FARS2: variants seen among roughly 807,000 people sequenced by gnomAD.
The protein encoded by FARS2 is phenylalanyl-tRNA synthetase 2, mitochondrial, also known as phenylalanine--tRNA ligase, mitochondrial.
In FARS2, 40 loss-of-function variants were observed where a neutral mutation model predicts 46.4. That is an observed-to-expected ratio of 0.86 (90% CI 0.67 to 1.12). The LOEUF is 1.12. Ranked by LOEUF, FARS2 falls within the 50% of genes most tolerant of loss-of-function variation. The probability of loss-of-function intolerance (pLI) is 0.00; values close to 1 mark genes in which losing one functional copy is unlikely to be tolerated. For missense variants in FARS2, 513 were observed against 567.9 expected (o/e 0.90, Z 0.98); for synonymous variants, 234 against 214.9 (o/e 1.09, Z -0.78).
chr6:5,524,706 C>T (rs937721050), intron 4 of FARS2, among the ~76,000 whole-genome samples: 59 of 152,240 alleles, frequency 3.9e-4, no homozygotes, highest in African/African-American at 1.3e-3. Flanking sequence ...TTACACATGG[C>T]GAAGTTGAAT....
intron 1 of FARS2, among the ~76,000 whole-genome samples, chr6:5,344,294 C>T (rs1289218964): frequency 6.6e-6 from 1 of 152,162 alleles, no homozygotes; most frequent in African/African-American, 2.4e-5. Flanking sequence ...GACGGAGGCA[C>T]ACAGGCCCAG....
intron 6 of FARS2, among the ~76,000 whole-genome samples, chr6:5,692,899 C>T (rs1757848378): frequency 6.6e-6 from 1 of 152,308 alleles, no homozygotes. Flanking sequence ...CCCTCCCAAG[C>T]TTCAGAGGTA....
chr6:5,255,197 G>A, the FARS2 span, among the ~76,000 whole-genome samples: 1 of 152,200 alleles, frequency 6.6e-6, no homozygotes, highest in Non-Finnish European at 1.5e-5. Flanking sequence ...GGGGGTCTCT[G>A]AGACCTTTCA....
At chr6:5,421,911 C>T (rs1165085365) in intron 3 of FARS2, among the ~76,000 whole-genome samples, 2 of 152,202 alleles carry the variant, frequency 1.3e-5, no homozygotes, top group African/African-American at 4.8e-5. Flanking sequence ...TAACCTCTTC[C>T]TGTTACCCAG....
chr6:5,720,406 CAGTTTTCCAGATGTTAATTG>C (rs1305094373), intron 6 of FARS2, among the ~76,000 whole-genome samples: 2 of 152,150 alleles, frequency 1.3e-5, no homozygotes, highest in Non-Finnish European at 2.9e-5. Context: ...GTTAATTGAT[CAGTTTTCCAGATGTTAATTG>C]ATCAGTTTTC....
At chr6:5,460,381 C>G (rs9405835) in intron 4 of FARS2, among the ~76,000 whole-genome samples, 27,950 of 152,094 alleles carry the variant, frequency 0.18, 3,899 homozygotes, top group African/African-American at 0.39. Context: ...GTTTTTCAGG[C>G]GTTCAGTTGG....
intron 6 of FARS2, among the ~76,000 whole-genome samples, chr6:5,746,345 C>T (rs538725647): frequency 4.6e-5 from 7 of 152,078 alleles, no homozygotes; most frequent in African/African-American, 1.2e-4. Context: ...TTACTCCATA[C>T]GGATGGTATC....
intron 4 of FARS2, among the ~76,000 whole-genome samples, chr6:5,431,465 GC>G (rs1237513525): frequency 1.3e-5 from 2 of 152,256 alleles, no homozygotes; most frequent in East Asian, 3.9e-4. Context: ...CTTTGTAATT[GC>G]CCCAAAGACA....
chr6:5,336,557 A>G (rs1166479462), intron 1 of FARS2, among the ~76,000 whole-genome samples: 1 of 152,118 alleles, frequency 6.6e-6, no homozygotes, highest in East Asian at 1.9e-4. Context: ...TATGGGGTAC[A>G]TGAGATGTTT....
Position 5,274,628 on chromosome 6 carries a change from C to A in FARS2, c.-22+12968C>A, listed in dbSNP as rs138791738. Among the ~76,000 whole-genome samples, 10 of 152,232 alleles carry A rather than the reference C, an allele frequency of 6.6e-5. No homozygotes were observed. In the East Asian group the frequency reaches 1.9e-3, roughly 29 times the overall value. On this transcript the variant is annotated intron_variant, in intron 1 of 6. Coordinates refer to ENST00000274680, the MANE Select transcript of FARS2 (RefSeq NM_006567.5). ...ATGAAATGAACCCTGGAACTGGATGCGTCTAGACTTCGTGTTTTGTTAACA... is the reference window on the plus strand; with the variant it reads ...ATGAAATGAACCCTGGAACTGGATGAGTCTAGACTTCGTGTTTTGTTAACA...
In FARS2 at chr6:5,344,682, C is replaced by T. The variant is rs116115311; in HGVS notation, c.-21-23868C>T. 3.9e-3 allele frequency among the ~76,000 whole-genome samples: 599 copies of T among 152,204 alleles called. 6 individuals are homozygous for T. The highest frequency in any genetic ancestry group is 0.014 in the African/African-American group (572 of 41,526). The stretch of plus-strand genomic sequence containing the variant: ...CTGACATTTATCCGTCAGCCAAATT[C>T]AGTGGAAAAAAGTATGGCAATTGGA... On this transcript the variant is annotated intron_variant, in intron 1 of 6. Coordinates refer to ENST00000274680, the MANE Select transcript of FARS2 (RefSeq NM_006567.5).
chr6:5,359,427 C>A (rs1340699718), intron 1 of FARS2, among the ~76,000 whole-genome samples: 1 of 152,166 alleles, frequency 6.6e-6, no homozygotes, highest in Non-Finnish European at 1.5e-5. Flanking sequence ...CTTTTCCCCC[C>A]ATTAGACTTA....
chr6:5,700,145 A>G (rs1364217734), intron 6 of FARS2, among the ~76,000 whole-genome samples: 1 of 152,226 alleles, frequency 6.6e-6, no homozygotes, highest in Non-Finnish European at 1.5e-5. Flanking sequence ...TTTCATTGAA[A>G]ATGCCACGGC....
intron 1 of FARS2, among the ~76,000 whole-genome samples, chr6:5,341,749 C>T (rs542920230): frequency 1.1e-4 from 16 of 152,222 alleles, no homozygotes; most frequent in African/African-American, 3.9e-4. Flanking sequence ...GAACTCCTGA[C>T]CTCAGGCGAT....
intron 3 of FARS2, among the ~76,000 whole-genome samples, chr6:5,429,023 G>T (rs1366691747): frequency 6.6e-6 from 1 of 152,212 alleles, no homozygotes; most frequent in Non-Finnish European, 1.5e-5. Flanking sequence ...TCTAGGAAAT[G>T]CAAACTCATC....
chr6:5,269,262 C>T (rs1765773849), intron 1 of FARS2, among the ~76,000 whole-genome samples: 1 of 151,602 alleles, frequency 6.6e-6, no homozygotes, highest in South Asian at 2.1e-4. Context: ...ACCGCATGTT[C>T]TCACTCATAG....
At chr6:5,273,727 T>C (rs1240307802) in intron 1 of FARS2, among the ~76,000 whole-genome samples, 2 of 152,212 alleles carry the variant, frequency 1.3e-5, no homozygotes, top group East Asian at 3.8e-4. Context: ...TTTTGAGGTC[T>C]TCACAAAAAA....
chr6:5,703,956 A>G (rs1336448625), intron 6 of FARS2, among the ~76,000 whole-genome samples: 1 of 151,264 alleles, frequency 6.6e-6, no homozygotes, highest in African/African-American at 2.4e-5. Flanking sequence ...TCCCTCTCTG[A>G]GCTCCTTCCT....
chr6:5,253,427 G>GT, the FARS2 span, among the ~76,000 whole-genome samples: 3,611 of 145,372 alleles, frequency 0.025, 123 homozygotes, highest in African/African-American at 0.079. Context: ...GCAATTCTCA[G>GT]TTTTTTTTTT....
Sources: gnomAD v4.1 joint callset for allele counts (sites outside exome capture counted in the v4.1 genomes callset) on GRCh38, gnomAD v4.1.1 for gene constraint, MANE v1.5 for transcripts, NCBI Gene and HGNC (gene_info 2026-07-23, HGNC 2026-07-21) for gene names.